The following IFT80 variants were observed in gnomAD, a reference collection of about 807,000 sequenced individuals.
IFT80 encodes the protein intraflagellar transport protein 80 homolog.
In IFT80, 79 loss-of-function variants were observed where a neutral mutation model predicts 107.9. The ratio of observed to expected loss-of-function variants is 0.73; its 90% CI spans 0.61 to 0.88. The LOEUF is 0.88. Among genes scored for constraint, IFT80 ranks in the 40% least tolerant of loss-of-function variants. IFT80 has a pLI of 0.00. For missense variants in IFT80, 797 were observed against 914.2 expected (o/e 0.87, Z 1.65); for synonymous variants, 299 against 300.9 (o/e 0.99, Z 0.07).
At chr3:160,283,478 T>C (rs1438732826) in intron 13 of IFT80, among the ~76,000 whole-genome samples, 1 of 152,188 alleles carries the variant, frequency 6.6e-6, no homozygotes, top group Non-Finnish European at 1.5e-5. Context: ...TCCAAATTGA[T>C]GAATCAGTCA....
At position 160,341,600 on chromosome 3, in the gene IFT80, C is replaced by T. The variant is rs149152256; in HGVS notation, c.777+14413G>A. Among the ~76,000 whole-genome samples the T allele has an allele frequency of 4.0e-3, 602 of 152,040 alleles. 7 individuals carry two copies. The highest frequency in any genetic ancestry group is 0.014 in the African/African-American group (579 of 41,480). ...GCCAGTGATCCCTTCCCTGAGGGAG[C>T]GTTTAAAATTGGGACTAAGATTCTT... On this transcript the variant is annotated intron_variant, in intron 8 of 19. Transcript: ENST00000326448.
At chr3:160,388,039 C>T (rs1713076656) in intron 1 of IFT80, among the ~76,000 whole-genome samples, 1 of 151,920 alleles carries the variant, frequency 6.6e-6, no homozygotes, top group Admixed American at 6.6e-5. Flanking sequence ...AACTGACAGG[C>T]CAGGGATTTA....
intron 5 of IFT80, among the ~76,000 whole-genome samples, chr3:160,368,454 T>G (rs1338419503): frequency 6.6e-6 from 1 of 151,530 alleles, no homozygotes; most frequent in Non-Finnish European, 1.5e-5. Flanking sequence ...ACATCAAGGA[T>G]TGTTCTGTAT....
chr3:160,303,594 A>G (rs1018742872), intron 11 of IFT80, among the ~76,000 whole-genome samples: 2 of 152,164 alleles, frequency 1.3e-5, no homozygotes, highest in Non-Finnish European at 1.5e-5. Context: ...TTTACTTGTA[A>G]TGAGTTTATT....
chr3:160,384,934 G>C (rs1309340534), intron 1 of IFT80, among the ~76,000 whole-genome samples: 1 of 152,146 alleles, frequency 6.6e-6, no homozygotes, highest in African/African-American at 2.4e-5. Flanking sequence ...ATGTCCTGAG[G>C]CCAAATAAAA....
At chr3:160,386,167 T>A (rs1023031563) in intron 1 of IFT80, among the ~76,000 whole-genome samples, 1 of 152,184 alleles carries the variant, frequency 6.6e-6, no homozygotes, top group Non-Finnish European at 1.5e-5. Flanking sequence ...TCAGAGAAAG[T>A]AAGACAATGG....
At chr3:160,266,258 A>G (rs1713310767) in intron 19 of IFT80, among the ~76,000 whole-genome samples, 1 of 152,102 alleles carries the variant, frequency 6.6e-6, no homozygotes, top group African/African-American at 2.4e-5. Flanking sequence ...TATATGTATA[A>G]TGAAAAAGAT....
At chr3:160,318,625 T>TAA (rs1717990864) in intron 9 of IFT80, among the ~76,000 whole-genome samples, 1 of 152,084 alleles carries the variant, frequency 6.6e-6, no homozygotes, top group South Asian at 2.1e-4. Context: ...CTTTGACCTG[T>TAA]AAAACATTTC....
chr3:160,290,649 C>T (rs1052671350), intron 12 of IFT80, among the ~76,000 whole-genome samples: 1 of 152,028 alleles, frequency 6.6e-6, no homozygotes, highest in East Asian at 1.9e-4. Flanking sequence ...GGTGCAATCT[C>T]GGCTCACTGC....
chr3:160,306,634 C>T (rs971686930), intron 10 of IFT80, among the ~76,000 whole-genome samples: 7 of 151,546 alleles, frequency 4.6e-5, no homozygotes, highest in South Asian at 2.1e-4. Context: ...TTTATCTACT[C>T]GCCTCTGTTT....
At position 160,357,551 on chromosome 3, in the gene IFT80, T is replaced by C; in HGVS notation, c.577A>G (p.Lys193Glu). ...QWKAHDGIIL[K>E]VDWNSVNDLI... is the part of the protein sequence containing the mutation. ...TCATTGACCGAGTTCCAATCTACTT[T>C]TAAAATAATGCCATCATGAGCTTTC... Residue 193 changes from lysine to glutamate, a missense_variant, in exon 7 of 20, where the codon AAA (lysine) becomes GAA (glutamate). Physicochemically the swap from Lys to Glu is moderately conservative, Grantham distance 56. Transcript: ENST00000326448. 1.3e-6 allele frequency: 2 copies of C among 1,599,310 alleles called. No individual in the cohort carries two copies. Among genetic ancestry groups the C allele is most frequent in the Non-Finnish European group, 1.7e-6 (2 of 1,166,876 alleles).
chr3:160,350,027 T>C (rs1297486733), intron 8 of IFT80, among the ~76,000 whole-genome samples: 1 of 152,170 alleles, frequency 6.6e-6, no homozygotes, highest in Admixed American at 6.5e-5. Flanking sequence ...CAACTATAAT[T>C]AAATAACTGA....
At chr3:160,282,326 T>C (rs1278423705) in intron 14 of IFT80, 152 bp downstream of exon 14, 33 of 598,204 alleles carry the variant, frequency 5.5e-5, no homozygotes, top group Non-Finnish European at 1.2e-5. Flanking sequence ...TAATAAACTT[T>C]CACTCCTACT....
intron 12 of IFT80, among the ~76,000 whole-genome samples, chr3:160,297,230 T>C (rs1373978512): frequency 6.6e-6 from 1 of 152,102 alleles, no homozygotes; most frequent in African/African-American, 2.4e-5. Flanking sequence ...GTAGCTGCTG[T>C]TTACTCTTTT....
At chr3:160,376,669 AG>A (rs896250565) in intron 4 of IFT80, among the ~76,000 whole-genome samples, 6 of 152,194 alleles carry the variant, frequency 3.9e-5, no homozygotes, top group African/African-American at 1.4e-4. Flanking sequence ...ATAATATCTG[AG>A]GGTACACTAC....
chr3:160,286,875 T>C (rs1715133545), intron 12 of IFT80, among the ~76,000 whole-genome samples: 1 of 152,056 alleles, frequency 6.6e-6, no homozygotes, highest in Non-Finnish European at 1.5e-5. Flanking sequence ...CCTGAGAATT[T>C]CCTGAGTGAT....
chr3:160,299,092 C>A (rs1204713025), intron 12 of IFT80: 4 of 989,810 alleles, frequency 4.0e-6, no homozygotes, highest in Non-Finnish European at 4.8e-6. Context: ...CAGGGACTTT[C>A]AATCTTAAGT....
In IFT80 at chr3:160,397,052, C is replaced by A. The variant is rs1171735398; in HGVS notation, c.-47+2094G>T. Reference sequence around the variant, plus strand: ...CAAAACTATATTTTCTGTGACTTATCGTTCTTCCTATACCTTATCACTAAT... The same window carrying A: ...CAAAACTATATTTTCTGTGACTTATAGTTCTTCCTATACCTTATCACTAAT... On this transcript the variant is annotated intron_variant, in intron 1 of 19. Coordinates refer to ENST00000326448, the MANE Select transcript of IFT80 (RefSeq NM_020800.3). Among the ~76,000 whole-genome samples, 6 of 152,136 alleles carry A rather than the reference C, an allele frequency of 3.9e-5. No individual in the cohort carries two copies. The South Asian group carries it at 1.2e-3, about 32-fold the overall frequency.
At chr3:160,271,942 A>C (rs1459985386) in intron 18 of IFT80, among the ~76,000 whole-genome samples, 1 of 102,022 alleles carries the variant, frequency 9.8e-6, no homozygotes, top group African/African-American at 2.7e-5. Flanking sequence ...AAGTCTTATC[A>C]AAAAAAAAAA....
Sources: allele counts gnomAD v4.1 joint callset (sites outside exome capture counted in the v4.1 genomes callset), GRCh38; gene constraint gnomAD v4.1.1; transcripts MANE v1.5; gene names NCBI Gene and HGNC (gene_info 2026-07-23, HGNC 2026-07-21).